The following CRYZL1 variants were observed in gnomAD, a reference collection of about 807,000 sequenced individuals.
CRYZL1 encodes the protein crystallin zeta like 1.
In CRYZL1, 34 loss-of-function variants were observed where a neutral mutation model predicts 50.6. That is an observed-to-expected ratio of 0.67 (90% CI 0.51 to 0.89). The LOEUF (loss-of-function observed/expected upper bound fraction) is 0.89, where lower values mean the gene tolerates loss of function less well. Ranked by LOEUF, CRYZL1 falls within the 40% of genes least tolerant of loss-of-function variation. The pLI is 0.00. For missense variants in CRYZL1, 354 were observed against 402.3 expected, an observed-to-expected ratio of 0.88 and a Z score of 1.03; for synonymous variants, 125 against 134.3, an observed-to-expected ratio of 0.93 and a Z score of 0.48.
intron 6 of CRYZL1, among the ~76,000 whole-genome samples, chr21:33,611,032 A>G (rs1050118821): frequency 6.6e-6 from 1 of 152,030 alleles, no homozygotes; most frequent in African/African-American, 2.4e-5. Context: ...CGCCCAGCCA[A>G]TTGTTGTTGT....
At chr21:33,609,451 C>T (rs1314057137) in intron 6 of CRYZL1, among the ~76,000 whole-genome samples, 1 of 152,034 alleles carries the variant, frequency 6.6e-6, no homozygotes, top group Non-Finnish European at 1.5e-5. Flanking sequence ...AGGCACACAC[C>T]ACCATATCTA....
chr21:33,591,077 G>T, intron 12 of CRYZL1, 85 bp downstream of exon 12: 1 of 949,252 alleles, frequency 1.1e-6, no homozygotes, highest in Non-Finnish European at 1.7e-6. Context: ...CATGGCGAGA[G>T]CTAAAACAAA....
At chr21:33,625,249 G>A (rs1191052134) in intron 2 of CRYZL1, among the ~76,000 whole-genome samples, 1 of 151,044 alleles carries the variant, frequency 6.6e-6, no homozygotes, top group Non-Finnish European at 1.5e-5. Context: ...TCTGCCTCCC[G>A]GGTTCATGCC....
chr21:33,603,614 C>G, intron 6 of CRYZL1, 77 bp from the exon 7 acceptor site: 1 of 1,538,118 alleles, frequency 6.5e-7, no homozygotes, highest in Non-Finnish European at 8.9e-7. Context: ...TTCTCTCCAT[C>G]TCTAGTACTA....
chr21:33,612,554 G>C (rs1000946044), intron 6 of CRYZL1, among the ~76,000 whole-genome samples: 10 of 152,202 alleles, frequency 6.6e-5, no homozygotes, highest in African/African-American at 2.4e-4. Context: ...GTCCCAAAGT[G>C]CTAGGATCAC....
intron 4 of CRYZL1, among the ~76,000 whole-genome samples, chr21:33,620,747 T>G (rs2086986273): frequency 6.6e-6 from 1 of 151,620 alleles, no homozygotes; most frequent in East Asian, 1.9e-4. Flanking sequence ...AGGCAGAGGT[T>G]GCAGTGGAGC....
At chr21:33,635,073 C>T (rs2087188909) in intron 1 of CRYZL1, among the ~76,000 whole-genome samples, 1 of 151,466 alleles carries the variant, frequency 6.6e-6, no homozygotes, top group Non-Finnish European at 1.5e-5. Context: ...GGTGTTTTTA[C>T]AAAAGTAGCC....
chr21:33,635,779 C>T (rs541555865), intron 1 of CRYZL1, among the ~76,000 whole-genome samples: 1 of 151,968 alleles, frequency 6.6e-6, no homozygotes, highest in East Asian at 2.0e-4. Context: ...TCAATAGATA[C>T]AGACCATCCT....
intron 11 of CRYZL1, 87 bp from the exon 12 acceptor site, chr21:33,591,294 T>G (rs1601322699): frequency 1.9e-6 from 2 of 1,074,344 alleles, no homozygotes; most frequent in South Asian, 2.6e-5. Context: ...CAGGCCACTT[T>G]CTCTTGTTTC....
chr21:33,609,271 C>T (rs1428315776), intron 6 of CRYZL1, among the ~76,000 whole-genome samples: 1 of 152,114 alleles, frequency 6.6e-6, no homozygotes, highest in Non-Finnish European at 1.5e-5. Context: ...AGTCTGTAGG[C>T]TGTCTCTGCA....
chr21:33,625,625 A>G (rs1248248515), intron 2 of CRYZL1, among the ~76,000 whole-genome samples: 1 of 151,888 alleles, frequency 6.6e-6, no homozygotes, highest in Non-Finnish European at 1.5e-5. Flanking sequence ...CTGGGGTTAC[A>G]GGCATGCACC....
intron 4 of CRYZL1, among the ~76,000 whole-genome samples, chr21:33,618,288 CAAAA>C (rs35810127): frequency 3.3e-5 from 3 of 91,282 alleles, no homozygotes; most frequent in African/African-American, 4.4e-5. Flanking sequence ...GACTCCGTCT[CAAAA>C]AAAAAAAAAA....
chr21:33,609,190 G>A (rs192326454), intron 6 of CRYZL1, among the ~76,000 whole-genome samples: 52 of 152,092 alleles, frequency 3.4e-4, no homozygotes, highest in African/African-American at 1.2e-3. Context: ...TCTTCTTGCT[G>A]TTTTCTGAGC....
At position 33,603,283 on chromosome 21, in the gene CRYZL1, A is replaced by G. The variant is rs2086774835; in HGVS notation, c.465+121T>C. The G allele has an allele frequency of 3.3e-6, 4 of 1,221,914 alleles. No individual in the cohort carries two copies. In the South Asian group the frequency reaches 4.6e-5, roughly 14 times the overall value. The allele number at this position is 1,221,914 out of a possible 1,614,324, so 75.7% of individuals were successfully genotyped here. Reference sequence around the variant, plus strand: ...TTATTATAACAAAATAGGACACTGGAAAAAAAGTCAATCAATAAGCTATTG... The same window carrying G: ...TTATTATAACAAAATAGGACACTGGGAAAAAAGTCAATCAATAAGCTATTG... On this transcript the variant is annotated intron_variant, in intron 7 of 12. Transcript: ENST00000381554.
At chr21:33,615,181 T>G (rs2086916239) in intron 5 of CRYZL1, among the ~76,000 whole-genome samples, 1 of 147,236 alleles carries the variant, frequency 6.8e-6, no homozygotes, top group Admixed American at 6.9e-5. Context: ...TTGGACAAGG[T>G]CTCCCTCTGT....
chr21:33,637,588 T>C (rs201966181), intron 1 of CRYZL1, among the ~76,000 whole-genome samples: 2 of 151,974 alleles, frequency 1.3e-5, no homozygotes, highest in East Asian at 3.9e-4. Context: ...GTTAATTTAA[T>C]TCCTGAAAGT....
At chr21:33,602,494 A>T in intron 7 of CRYZL1, 149 bp from the exon 8 acceptor site, 1 of 448,128 alleles carries the variant, frequency 2.2e-6, no homozygotes, top group Non-Finnish European at 3.9e-6. Flanking sequence ...GAGCAAAGTT[A>T]TGGGCAAGTT....
At chr21:33,591,650 T>G in intron 11 of CRYZL1, 1 of 192,766 alleles carries the variant, frequency 5.2e-6, no homozygotes, top group Admixed American at 5.3e-5. Context: ...CAGAAGCCAG[T>G]AAACTTTATG....
At chr21:33,613,458 A>C (rs1030877479) in intron 6 of CRYZL1, 80 bp downstream of exon 6, 4 of 979,782 alleles carry the variant, frequency 4.1e-6, no homozygotes, top group Non-Finnish European at 6.3e-6. Flanking sequence ...TGGTAGATTC[A>C]AAAAAATTAA....
Sources: allele counts gnomAD v4.1 joint callset (sites outside exome capture counted in the v4.1 genomes callset), GRCh38; gene constraint gnomAD v4.1.1; transcripts MANE v1.5; gene names NCBI Gene and HGNC (gene_info 2026-07-23, HGNC 2026-07-21).